Variants in MACF1 observed in about 807,000 individuals in gnomAD.
The protein encoded by MACF1 is microtubule-actin cross-linking factor 1.
A neutral mutation model predicts 854.8 loss-of-function variants in MACF1; 193 were observed. That is an observed-to-expected ratio of 0.23 (90% CI 0.20 to 0.25). The LOEUF (loss-of-function observed/expected upper bound fraction) is 0.25. Among genes scored for constraint, MACF1 ranks in the 10% least tolerant of loss-of-function variants. The probability of loss-of-function intolerance (pLI) is 1.00; values close to 1 mark genes in which losing one functional copy is unlikely to be tolerated. For synonymous variants in MACF1, 3,185 were observed against 3,226.7 expected, an observed-to-expected ratio of 0.99 and a Z score of 0.44; for missense variants, 7,722 against 8,929.1, an observed-to-expected ratio of 0.86 and a Z score of 5.45.
intron 6 of MACF1, among the ~76,000 whole-genome samples, chr1:39,271,130 A>T (rs1287160243): frequency 6.6e-6 from 1 of 152,218 alleles, no homozygotes; most frequent in Admixed American, 6.5e-5. Context: ...GTATTAAGCT[A>T]TTCTTGCATT....
At chr1:39,296,484 C>G (rs1184531201) in intron 20 of MACF1, among the ~76,000 whole-genome samples, 2 of 151,776 alleles carry the variant, frequency 1.3e-5, no homozygotes, top group Admixed American at 6.6e-5. Context: ...AGTCTTAGCA[C>G]TTTGGGAGGC....
At chr1:39,265,248 G>GGAAT (rs1050212116) in intron 6 of MACF1, among the ~76,000 whole-genome samples, 1 of 152,020 alleles carries the variant, frequency 6.6e-6, no homozygotes, top group African/African-American at 2.4e-5. Flanking sequence ...TTGTGTTTTT[G>GGAAT]GAATGAATGA....
At chr1:39,195,041 A>G (rs1644303650) in intron 2 of MACF1, among the ~76,000 whole-genome samples, 1 of 152,180 alleles carries the variant, frequency 6.6e-6, no homozygotes. Context: ...TCCAGCTCCA[A>G]GGAAAAGCAA....
intron 52 of MACF1, among the ~76,000 whole-genome samples, chr1:39,374,716 G>C (rs1022852922): frequency 1.3e-5 from 2 of 152,118 alleles, no homozygotes; most frequent in African/African-American, 4.8e-5. Flanking sequence ...CTGATGAGCT[G>C]TAGTTTACTG....
chr1:39,312,280 A>C (rs1396112827), intron 26 of MACF1, among the ~76,000 whole-genome samples: 1 of 152,236 alleles, frequency 6.6e-6, no homozygotes, highest in Non-Finnish European at 1.5e-5. Context: ...CTTTATTTTA[A>C]AATAATTTCA....
Position 39,379,434 on chromosome 1 carries a change from A to G in MACF1, c.13508A>G (p.Glu4503Gly), listed in dbSNP as rs764826670. The G allele has an allele frequency of 5.0e-6, 8 of 1,613,380 alleles. No individual in the cohort carries two copies. Among genetic ancestry groups the G allele is most frequent in the Non-Finnish European group, 6.8e-6 (8 of 1,179,684 alleles). The change falls in exon 54 of 101, where the codon GAA becomes GGA. Residue 4503 changes from glutamate (E) to glycine (G), a missense_variant. Around this residue, in one of 15 missense-constraint regions of MACF1, gnomAD observed 2,807 missense variants for 3,235.8 expected, o/e 0.87. Coordinates refer to ENST00000564288, the MANE Select transcript of MACF1 (RefSeq NM_001394062.1). ...TKTETVKAQA[E>G]SNKAFLAELE... ...ACAGAAACAGTGAAAGCCCAAGCTG[A>G]ATCTAACAAGGTACTGTGTTTACAT...
At chr1:39,404,149 G>GTAAATAAATAAATAAA (rs60859213) in intron 58 of MACF1, among the ~76,000 whole-genome samples, 1 of 148,442 alleles carries the variant, frequency 6.7e-6, no homozygotes, top group African/African-American at 2.5e-5. Flanking sequence ...AAATAAGTAA[G>GTAAATAAATAAATAAA]TAAATAAATA....
In MACF1 at chr1:39,448,054, C is replaced by A; in HGVS notation, c.19990C>A (p.Leu6664Met). Residue 6664 changes from leucine (L) to methionine (M), a missense_variant, in exon 83 of 101, where the codon CTG becomes ATG. By Grantham distance (15) the Leu-to-Met change is conservative. Coordinates refer to ENST00000564288, the MANE Select transcript of MACF1 (RefSeq NM_001394062.1). ...TTAGTTCCATGAAGCTTGGAAAAAA[C>A]TGATTGACTGGCTAGAAGATGCAGA... The part of the protein sequence containing the change: ...AKQFHEAWKK[L>M]IDWLEDAESH... 6 of 1,614,062 alleles carry A rather than the reference C, an allele frequency of 3.7e-6. No homozygotes were observed. Among genetic ancestry groups the A allele is most frequent in the Non-Finnish European group, 5.1e-6 (6 of 1,179,990 alleles).
chr1:39,346,931 G>T (rs772614783), intron 40 of MACF1, 46 bp from the exon 41 acceptor site: 1 of 1,217,008 alleles, frequency 8.2e-7, no homozygotes. Context: ...AGAAATGGAA[G>T]TATCATGGTT....
chr1:39,125,519 C>T (rs150310352), intron 2 of MACF1, among the ~76,000 whole-genome samples: 137 of 152,224 alleles, frequency 9.0e-4, no homozygotes, highest in African/African-American at 2.9e-3. Flanking sequence ...TCCATTCATT[C>T]GGGAGATGCT....
At chr1:39,198,286 A>G (rs1323723863) in intron 2 of MACF1, among the ~76,000 whole-genome samples, 1 of 152,100 alleles carries the variant, frequency 6.6e-6, no homozygotes, top group Admixed American at 6.5e-5. Context: ...AGGCGGATGG[A>G]TCACCTGAGG....
chr1:39,189,716 T>C (rs1557507566), intron 2 of MACF1, among the ~76,000 whole-genome samples: 2 of 152,228 alleles, frequency 1.3e-5, no homozygotes, highest in Non-Finnish European at 2.9e-5. Flanking sequence ...CAACAGGAAA[T>C]GACCATTTCA....
intron 23 of MACF1, among the ~76,000 whole-genome samples, chr1:39,307,923 G>A (rs1227682825): frequency 7.7e-5 from 2 of 25,884 alleles, no homozygotes; most frequent in East Asian, 1.3e-3. Flanking sequence ...TTTTTTTTTT[G>A]AGATGGAGTC....
intron 1 of MACF1, among the ~76,000 whole-genome samples, chr1:39,214,408 C>T (rs534019815): frequency 2.6e-5 from 4 of 152,172 alleles, no homozygotes; most frequent in African/African-American, 7.2e-5. Context: ...GTTGGACAAA[C>T]AAGCAGGCAG....
intron 58 of MACF1, chr1:39,411,061 TTAGC>T: frequency 1.9e-6 from 3 of 1,613,808 alleles, no homozygotes; most frequent in Non-Finnish European, 2.5e-6. Flanking sequence ...CACAAAAAGT[TTAGC>T]TAAGGGAGGC....
intron 2 of MACF1, 54 bp from the exon 3 acceptor site, chr1:39,249,960 A>ATT: frequency 1.1e-6 from 1 of 930,176 alleles, no homozygotes; most frequent in Non-Finnish European, 1.7e-6. Flanking sequence ...TTATGTGGAT[A>ATT]GTATAATAAT....
chr1:39,233,319 C>CCACT (rs2148307459), intron 2 of MACF1, among the ~76,000 whole-genome samples: 1 of 152,286 alleles, frequency 6.6e-6, no homozygotes, highest in African/African-American at 2.4e-5. Context: ...TAGGCGTGAG[C>CCACT]CACTGTGCCT....
At chr1:39,104,755 T>C (rs1173646813) in intron 2 of MACF1, among the ~76,000 whole-genome samples, 1 of 152,216 alleles carries the variant, frequency 6.6e-6, no homozygotes, top group East Asian at 1.9e-4. Flanking sequence ...CAGCTTCTTC[T>C]GTTTCTGGAA....
intron 1 of MACF1, among the ~76,000 whole-genome samples, chr1:39,228,620 G>C (rs1288229978): frequency 6.6e-6 from 1 of 152,208 alleles, no homozygotes; most frequent in Non-Finnish European, 1.5e-5. Context: ...ACTCCATTAA[G>C]TGAAAGATGG....
Sources: gnomAD v4.1 joint callset for allele counts (sites outside exome capture counted in the v4.1 genomes callset) on GRCh38, gnomAD v4.1.1 for gene constraint, gnomAD v4.1.1 regional missense constraint, MANE v1.5 for transcripts, NCBI Gene and HGNC (gene_info 2026-07-23, HGNC 2026-07-21) for gene names.